MAGI1: variants seen among roughly 807,000 people sequenced by gnomAD.
The protein encoded by MAGI1 is membrane associated guanylate kinase, WW and PDZ domain containing 1.
In MAGI1, 58 loss-of-function variants were observed where a neutral mutation model predicts 139.9. The ratio of observed to expected loss-of-function variants is 0.41; its 90% CI spans 0.34 to 0.52. MAGI1 has a LOEUF of 0.52. MAGI1 is among the 20% of genes least tolerant of loss of function. The probability of loss-of-function intolerance (pLI) is 0.12; values close to 1 mark genes in which losing one functional copy is unlikely to be tolerated. For missense variants in MAGI1, 1,874 were observed against 1,901.6 expected, an observed-to-expected ratio of 0.99 and a Z score of 0.27; for synonymous variants, 812 against 737.9, an observed-to-expected ratio of 1.10 and a Z score of -1.63.
intron 5 of MAGI1, among the ~76,000 whole-genome samples, chr3:65,460,488 T>G (rs1336832838): frequency 2.0e-5 from 3 of 152,164 alleles, no homozygotes; most frequent in South Asian, 2.1e-4. Flanking sequence ...CTTTTTTTTT[T>G]GTGATGAGTG....
chr3:65,969,940 T>C (rs533877149), intron 1 of MAGI1, among the ~76,000 whole-genome samples: 16 of 152,252 alleles, frequency 1.1e-4, no homozygotes, highest in African/African-American at 3.6e-4. Context: ...CAGCATACCA[T>C]GGGGGCTTAA....
At chr3:65,733,096 C>A in intron 1 of MAGI1, among the ~76,000 whole-genome samples, 1 of 151,536 alleles carries the variant, frequency 6.6e-6, no homozygotes, top group East Asian at 1.9e-4. Flanking sequence ...TGCTCCCAAG[C>A]TGGAGTGCAA....
intron 3 of MAGI1, among the ~76,000 whole-genome samples, chr3:65,486,744 A>C (rs1951662419): frequency 6.6e-6 from 1 of 152,180 alleles, no homozygotes; most frequent in Admixed American, 6.5e-5. Context: ...CAGATTCTTT[A>C]CATCGCCAGG....
intron 1 of MAGI1, among the ~76,000 whole-genome samples, chr3:65,923,973 G>T (rs960809142): frequency 1.3e-5 from 2 of 152,164 alleles, no homozygotes; most frequent in African/African-American, 4.8e-5. Flanking sequence ...AATAATTAAA[G>T]TGTTTTTTAA....
chr3:65,546,944 T>C (rs2079533545), intron 2 of MAGI1, among the ~76,000 whole-genome samples: 1 of 152,202 alleles, frequency 6.6e-6, no homozygotes, highest in South Asian at 2.1e-4. Flanking sequence ...GACGTGTATA[T>C]ATGTATGCAT....
At chr3:65,842,651 G>A (rs1026994883) in intron 1 of MAGI1, among the ~76,000 whole-genome samples, 1 of 152,134 alleles carries the variant, frequency 6.6e-6, no homozygotes. Context: ...ATGAGCCACT[G>A]CGCCCAGCCA....
At chr3:66,024,173 T>C (rs2107564380) in intron 1 of MAGI1, among the ~76,000 whole-genome samples, 1 of 151,684 alleles carries the variant, frequency 6.6e-6, no homozygotes, top group South Asian at 2.1e-4. Context: ...AGAAACCAAG[T>C]GAGAGACAAA....
chr3:65,637,600 G>GAAAGAA (rs2107208719), intron 1 of MAGI1, among the ~76,000 whole-genome samples: 1 of 150,396 alleles, frequency 6.6e-6, no homozygotes, highest in East Asian at 2.1e-4. Flanking sequence ...AAGAAAGAAA[G>GAAAGAA]AAAGAAAGAA....
chr3:65,370,267 CAA>C (rs202035108), intron 18 of MAGI1, among the ~76,000 whole-genome samples: 1 of 145,804 alleles, frequency 6.9e-6, no homozygotes, highest in Non-Finnish European at 1.5e-5. Context: ...GACTCCGTCT[CAA>C]AAAAAAAAAA....
chr3:65,622,191 GCCTGCCACC>G (rs1377901489), intron 1 of MAGI1, 103 bp from the exon 2 acceptor site: 1 of 813,790 alleles, frequency 1.2e-6, no homozygotes, highest in Non-Finnish European at 2.1e-6. Context: ...TGCAGTTCTA[GCCTGCCACC>G]CCTAGTCATT....
At chr3:65,969,445 T>C (rs1279109177) in intron 1 of MAGI1, among the ~76,000 whole-genome samples, 2 of 152,132 alleles carry the variant, frequency 1.3e-5, no homozygotes, top group Admixed American at 1.3e-4. Context: ...CAAAAATATC[T>C]CCAGATATTG....
intron 1 of MAGI1, among the ~76,000 whole-genome samples, chr3:65,961,571 C>A (rs908585648): frequency 6.6e-6 from 1 of 152,166 alleles, no homozygotes; most frequent in Non-Finnish European, 1.5e-5. Flanking sequence ...ATATGCTATG[C>A]AGGGTATCTT....
chr3:66,031,308 C>A (rs1403391045), intron 1 of MAGI1, among the ~76,000 whole-genome samples: 3 of 152,170 alleles, frequency 2.0e-5, no homozygotes, highest in Non-Finnish European at 2.9e-5. Flanking sequence ...CATTAAATAA[C>A]CCTCGTTTAC....
At chr3:65,588,110 T>A (rs1459820657) in intron 2 of MAGI1, among the ~76,000 whole-genome samples, 1 of 152,172 alleles carries the variant, frequency 6.6e-6, no homozygotes, top group African/African-American at 2.4e-5. Context: ...AAAACCCATA[T>A]TACAAGCAAT....
chr3:65,598,824 T>C (rs962364883), intron 2 of MAGI1, among the ~76,000 whole-genome samples: 2 of 152,180 alleles, frequency 1.3e-5, no homozygotes, highest in African/African-American at 4.8e-5. Context: ...CTCCACCCTG[T>C]TTCTTTTGAG....
Position 65,538,043 on chromosome 3 carries a change from G to A in MAGI1, c.431-44412C>T, listed in dbSNP as rs2079039996. 6.6e-5 allele frequency among the ~76,000 whole-genome samples: 10 copies of A among 152,328 alleles called. No homozygotes were observed. In the South Asian group the frequency reaches 1.9e-3, roughly 28 times the overall value. ...CCAGCTACTTTGAAGGCTGAGGCAG[G>A]AGAATCGCTTGAACCCAGGAGGCAG... On this transcript the variant is annotated intron_variant, in intron 2 of 22. Coordinates refer to ENST00000402939, the MANE Select transcript of MAGI1 (RefSeq NM_001033057.2).
intron 1 of MAGI1, among the ~76,000 whole-genome samples, chr3:65,851,114 A>C (rs997759746): frequency 1.3e-5 from 2 of 152,116 alleles, no homozygotes; most frequent in Non-Finnish European, 2.9e-5. Flanking sequence ...CTGGAGAAAA[A>C]AAAAATGCCT....
At chr3:66,001,941 G>A (rs1221858564) in intron 1 of MAGI1, among the ~76,000 whole-genome samples, 3 of 152,146 alleles carry the variant, frequency 2.0e-5, no homozygotes, top group Non-Finnish European at 4.4e-5. Context: ...CCTTCCCCTT[G>A]CCTCAGTACT....
chr3:65,419,808 C>T (rs543774568), intron 12 of MAGI1, among the ~76,000 whole-genome samples: 5 of 152,254 alleles, frequency 3.3e-5, no homozygotes, highest in Non-Finnish European at 7.4e-5. Context: ...TGGAACACAA[C>T]CAACCCGTTC....
Sources: gnomAD v4.1 joint callset for allele counts (sites outside exome capture counted in the v4.1 genomes callset) on GRCh38, gnomAD v4.1.1 for gene constraint, MANE v1.5 for transcripts, NCBI Gene and HGNC (gene_info 2026-07-23, HGNC 2026-07-21) for gene names.